The following MAPK1IP1L variants were observed in gnomAD, a reference collection of about 807,000 sequenced individuals.
MAPK1IP1L encodes MAPK-interacting and spindle-stabilizing protein-like.
A neutral mutation model predicts 18.1 loss-of-function variants in MAPK1IP1L; 10 were observed. That is an observed-to-expected ratio of 0.55 (90% CI 0.34 to 0.94). The LOEUF is 0.94. Ranked by LOEUF, MAPK1IP1L falls within the 40% of genes least tolerant of loss-of-function variation. The probability of loss-of-function intolerance (pLI) is 0.02; values close to 1 mark genes in which losing one functional copy is unlikely to be tolerated. For missense variants in MAPK1IP1L, 260 were observed against 318.2 expected, an observed-to-expected ratio of 0.82 and a Z score of 1.39; for synonymous variants, 115 against 117.3, an observed-to-expected ratio of 0.98 and a Z score of 0.13.
At position 55,062,794 on chromosome 14, in the gene MAPK1IP1L, A is replaced by G. The variant is rs532978787; in HGVS notation, c.195A>G (p.Gly65=). The change falls in exon 3 of 4, where the codon GGA becomes GGG. Residue 65 remains glycine (G), a synonymous_variant. Transcript: ENST00000395468. ...PSATPSTVPF[G]PAPTGMYPSV... is the part of the protein sequence containing the mutation. ...CAACACCCTCCACTGTGCCTTTTGG[A>G]CCAGCACCAACAGGAATGTATCCCT... 1 of 1,613,996 alleles carries G rather than the reference A, an allele frequency of 6.2e-7. No homozygotes were observed. The highest frequency in any genetic ancestry group is 8.5e-7 in the Non-Finnish European group (1 of 1,180,014).
At chr14:55,058,372 A>G (rs1478579299) in intron 1 of MAPK1IP1L, among the ~76,000 whole-genome samples, 1 of 152,206 alleles carries the variant, frequency 6.6e-6, no homozygotes, top group Non-Finnish European at 1.5e-5. Flanking sequence ...ATATGAACGA[A>G]CAATTAGAAA....
chr14:55,063,797 T>G (rs1304390057), intron 3 of MAPK1IP1L: 1 of 154,556 alleles, frequency 6.5e-6, no homozygotes, highest in Non-Finnish European at 1.4e-5. Flanking sequence ...AGCTCAAGAT[T>G]ACACCCCTAT....
chr14:55,068,748 C>A lies in MAPK1IP1L; in HGVS notation c.*4121C>A, dbSNP rs1384913694. ...AAACAGAAATTGCCAATAAAATAAT[C>A]AGTATTTTGTAAATGGCAGGCAAGC... On this transcript the variant is annotated 3_prime_UTR_variant, in exon 4 of 4. Coordinates refer to ENST00000395468, the MANE Select transcript of MAPK1IP1L (RefSeq NM_144578.4). 8 of 152,162 alleles carry A rather than the reference C, an allele frequency of 5.3e-5. No homozygotes were observed. Among genetic ancestry groups the A allele is most frequent in the Admixed American group, 5.2e-4 (8 of 15,266 alleles). The allele number at this position is 152,162 out of a possible 1,614,324, so 9.4% of individuals were successfully genotyped here.
rs545024254 is a variant in MAPK1IP1L, at chr14:55,063,526, A to G, written c.726+201A>G. Among the ~76,000 whole-genome samples, 356 of 152,048 alleles carry G rather than the reference A, an allele frequency of 2.3e-3. 1 individual carries two copies. Among genetic ancestry groups the G allele is most frequent in the African/African-American group, 8.3e-3 (342 of 41,370 alleles). On this transcript the variant is annotated intron_variant, in intron 3 of 3. Coordinates refer to ENST00000395468, the MANE Select transcript of MAPK1IP1L (RefSeq NM_144578.4). ...CACTGTTTTAAGTATTCCTTGTGCT[A>G]AAAAGAAGAATTTTCCAAAGATCCC...
chr14:55,061,594 A>T, intron 1 of MAPK1IP1L, 86 bp from the exon 2 acceptor site: 1 of 936,714 alleles, frequency 1.1e-6, no homozygotes, highest in Non-Finnish European at 1.6e-6. Context: ...ATGTATGCAT[A>T]GAAAGTTCCT....
intron 1 of MAPK1IP1L, among the ~76,000 whole-genome samples, chr14:55,059,176 A>AT (rs199784478): frequency 4.0e-4 from 53 of 132,478 alleles, no homozygotes; most frequent in East Asian, 6.6e-4. Flanking sequence ...TAACACATTA[A>AT]TTTTTTTTTT....
chr14:55,068,701 A>G lies in MAPK1IP1L; in HGVS notation c.*4074A>G, dbSNP rs1030833202. The G allele has an allele frequency of 2.0e-5, 3 of 152,198 alleles. No individual in the cohort carries two copies. 9.4% of individuals were successfully genotyped at this position (152,198 alleles called of 1,614,324 possible). ...TTAGTATTGAAGACAAACACTTTTT[A>G]TTTTCAGATTTCTGCCAAGTAAAAC... On this transcript the variant is annotated 3_prime_UTR_variant, in exon 4 of 4. Coordinates refer to ENST00000395468, the MANE Select transcript of MAPK1IP1L (RefSeq NM_144578.4).
Position 55,054,464 on chromosome 14 carries a change from G to A in MAPK1IP1L, c.-5+2661G>A, listed in dbSNP as rs999058426. 3.9e-5 allele frequency among the ~76,000 whole-genome samples: 6 copies of A among 151,976 alleles called. No individual in the cohort carries two copies. In the East Asian group the frequency reaches 7.7e-4, roughly 20 times the overall value. ...GGCCATTAATTTATATTTTCAGTAC[G>A]ATACATATCATCCCCCCATACTAAA... On this transcript the variant is annotated intron_variant, in intron 1 of 3. Coordinates refer to ENST00000395468, the MANE Select transcript of MAPK1IP1L (RefSeq NM_144578.4).
In MAPK1IP1L at chr14:55,065,201, A is replaced by G. The variant is rs185358298; in HGVS notation, c.*574A>G. The stretch of plus-strand genomic sequence containing the variant: ...GGAGTTCAATAGCCAGCCAGTGTTC[A>G]TTTTTATCCTTGAGCTTTTAGTAAA... On this transcript the variant is annotated 3_prime_UTR_variant, in exon 4 of 4. Transcript: ENST00000395468. 4 of 152,248 alleles carry G rather than the reference A, an allele frequency of 2.6e-5. No individual in the cohort carries two copies. Among genetic ancestry groups the G allele is most frequent in the Admixed American group, 2.0e-4 (3 of 15,288 alleles). 9.4% of individuals were successfully genotyped at this position (152,248 alleles called of 1,614,324 possible).
At chr14:55,061,390 G>A (rs575304110) in intron 1 of MAPK1IP1L, among the ~76,000 whole-genome samples, 35 of 152,276 alleles carry the variant, frequency 2.3e-4, no homozygotes, top group Non-Finnish European at 5.9e-5. Flanking sequence ...AGTGTTGAGA[G>A]ATGTTCACTG....
At chr14:55,055,228 A>C (rs570669359) in intron 1 of MAPK1IP1L, among the ~76,000 whole-genome samples, 1 of 152,302 alleles carries the variant, frequency 6.6e-6, no homozygotes, top group South Asian at 2.1e-4. Context: ...CAGCCTCCTG[A>C]GAAGCTGGGA....
intron 1 of MAPK1IP1L, among the ~76,000 whole-genome samples, chr14:55,059,599 A>G (rs552289558): frequency 2.8e-4 from 42 of 152,334 alleles, no homozygotes; most frequent in African/African-American, 9.9e-4. Flanking sequence ...AAAGTCCACA[A>G]TATCTGTGGG....
At chr14:55,056,121 C>CTTAGGGCTTT in intron 1 of MAPK1IP1L, among the ~76,000 whole-genome samples, 1 of 152,246 alleles carries the variant, frequency 6.6e-6, no homozygotes, top group East Asian at 1.9e-4. Context: ...AATTCCTATG[C>CTTAGGGCTTT]TTAGGGCTTT....
At chr14:55,060,154 A>ATTTTTTTTTTTTTTTT (rs71131248) in intron 1 of MAPK1IP1L, among the ~76,000 whole-genome samples, 2 of 63,934 alleles carry the variant, frequency 3.1e-5, no homozygotes, top group Non-Finnish European at 5.3e-5. Context: ...TTTTGGAGAA[A>ATTTTTTTTTTTTTTTT]TTTTTTTTTT....
At chr14:55,058,069 G>A (rs1226802268) in intron 1 of MAPK1IP1L, among the ~76,000 whole-genome samples, 1 of 152,200 alleles carries the variant, frequency 6.6e-6, no homozygotes, top group African/African-American at 2.4e-5. Context: ...TCCAAGTTGG[G>A]AACCAGCCCT....
chr14:55,061,828 G>A (rs1315624961), intron 2 of MAPK1IP1L, 127 bp downstream of exon 2: 2 of 714,166 alleles, frequency 2.8e-6, no homozygotes, highest in Non-Finnish European at 4.4e-6. Context: ...GTGTGCACCT[G>A]TAGTCCTAGC....
intron 1 of MAPK1IP1L, chr14:55,060,799 A>G (rs889753329): frequency 1.1e-4 from 16 of 152,182 alleles, no homozygotes; most frequent in Admixed American, 8.5e-4. Context: ...TGCTAATTAC[A>G]CTTCAATTTA....
chr14:55,059,225 G>GA (rs3078612), intron 1 of MAPK1IP1L, among the ~76,000 whole-genome samples: 10,909 of 63,204 alleles, frequency 0.17, 1,052 homozygotes, highest in Non-Finnish European at 0.2. Context: ...AGGAAAATCT[G>GA]AAAAAAAAAA....
intron 3 of MAPK1IP1L, chr14:55,064,003 CTTTTTTTTTTT>C (rs71131249): frequency 1.5e-3 from 117 of 76,026 alleles, no homozygotes; most frequent in African/African-American, 2.5e-3. Flanking sequence ...TCTGTTAACT[CTTTTTTTTTTT>C]TTTTTTTTTT....
Sources: allele counts gnomAD v4.1 joint callset (sites outside exome capture counted in the v4.1 genomes callset), GRCh38; gene constraint gnomAD v4.1.1; transcripts MANE v1.5; gene names NCBI Gene and HGNC (gene_info 2026-07-23, HGNC 2026-07-21).